Variants in UBAC2 observed in about 807,000 individuals in gnomAD.
UBAC2 encodes the protein UBA domain containing 2, also known as ubiquitin-associated domain-containing protein 2.
Under a neutral mutation model 44.0 loss-of-function variants are expected in UBAC2, and 26 were observed. The ratio of observed to expected loss-of-function variants is 0.59; its 90% confidence interval spans 0.43 to 0.82. UBAC2 has a LOEUF of 0.82. Among genes scored for constraint, UBAC2 ranks in the 40% least tolerant of loss-of-function variants. The probability of loss-of-function intolerance (pLI) is 0.00; values close to 1 mark genes in which losing one functional copy is unlikely to be tolerated. For missense variants in UBAC2, 329 were observed against 419.4 expected, an observed-to-expected ratio of 0.78 and a Z score of 1.88; for synonymous variants, 155 against 154.3, an observed-to-expected ratio of 1.00 and a Z score of -0.04.
chr13:99,336,549 A>C (rs966404298), intron 6 of UBAC2, among the ~76,000 whole-genome samples: 1 of 152,150 alleles, frequency 6.6e-6, no homozygotes, highest in Non-Finnish European at 1.5e-5. Flanking sequence ...TGTATAGCCC[A>C]TGTGCCCCTT....
intron 4 of UBAC2, among the ~76,000 whole-genome samples, chr13:99,253,681 T>G (rs1317633777): frequency 6.6e-6 from 1 of 152,060 alleles, no homozygotes; most frequent in Non-Finnish European, 1.5e-5. Flanking sequence ...GCCTGGCTAA[T>G]TTTTGTATTT....
intron 7 of UBAC2, among the ~76,000 whole-genome samples, chr13:99,360,993 C>G (rs1204574804): frequency 6.6e-6 from 1 of 152,200 alleles, no homozygotes. Context: ...CTAATGTAGA[C>G]ACTGCCTGAC....
chr13:99,218,380 G>A lies in UBAC2; in HGVS notation c.31+17441G>A, dbSNP rs181456658. On this transcript the variant is annotated intron_variant, in intron 1 of 8. Coordinates refer to ENST00000403766, the MANE Select transcript of UBAC2 (RefSeq NM_001144072.2). ...TGTGTTTGGTGCTGTTTCAGGACTA[G>A]GATTTTAAATTTTACAGCTCACTCT... Among the ~76,000 whole-genome samples the A allele has an allele frequency of 6.3e-3, 955 of 152,200 alleles. 5 individuals carry two copies. Among genetic ancestry groups the A allele is most frequent in the African/African-American group, 0.017 (690 of 41,526 alleles).
intron 4 of UBAC2, among the ~76,000 whole-genome samples, chr13:99,283,271 C>T (rs1177820369): frequency 3.3e-5 from 5 of 152,060 alleles, no homozygotes; most frequent in African/African-American, 4.8e-5. Context: ...GCAGCTGGTT[C>T]ATAGAGACAC....
chr13:99,364,161 CATT>C (rs34874753), intron 7 of UBAC2, among the ~76,000 whole-genome samples: 44,807 of 151,030 alleles, frequency 0.3, 6,906 homozygotes, highest in Middle Eastern at 0.45. Context: ...TTTTTGTTCT[CATT>C]ATGCTGTGAC....
At position 99,367,872 on chromosome 13, in the gene UBAC2, C is replaced by T. The variant is rs754936072; in HGVS notation, c.893C>T (p.Pro298Leu). 9 of 1,613,840 alleles carry T rather than the reference C, an allele frequency of 5.6e-6. No individual in the cohort carries two copies. Among genetic ancestry groups the T allele is most frequent in the Non-Finnish European group, 7.6e-6 (9 of 1,179,870 alleles). Residue 298 changes from proline to leucine, a missense_variant, in exon 8 of 9, where the codon CCA becomes CTA. Pro to Leu is a moderately conservative substitution (Grantham distance 98). Transcript: ENST00000403766. ...VNYQGGRQSE[P>L]AAPPLEVSEE... is the part of the protein sequence containing the mutation. ...TATCAGGGCGGTCGGCAGTCTGAGC[C>T]AGCAGCGCCCCCTCTAGAAGTTTCT...
chr13:99,366,841 A>T (rs998559156), intron 7 of UBAC2, among the ~76,000 whole-genome samples: 1 of 151,906 alleles, frequency 6.6e-6, no homozygotes, highest in East Asian at 1.9e-4. Context: ...TCCCACGCCC[A>T]CTTGTTCCTG....
In UBAC2 at chr13:99,261,386, G is replaced by A. The variant is rs376712479; in HGVS notation, c.389+16762G>A. 1.2e-4 allele frequency among the ~76,000 whole-genome samples: 18 copies of A among 152,312 alleles called. No individual in the cohort carries two copies. The East Asian group carries it at 2.3e-3, about 20-fold the overall frequency. On this transcript the variant is annotated intron_variant, in intron 4 of 8. Coordinates refer to ENST00000403766, the MANE Select transcript of UBAC2 (RefSeq NM_001144072.2). ...TTGGGTGTGGGTGTAGGGGAGATAT[G>A]TTGAATAGTAAGAGTTTCTGCATAA...
intron 8 of UBAC2, among the ~76,000 whole-genome samples, chr13:99,375,970 A>ATT (rs34164759): frequency 0.093 from 12,163 of 130,694 alleles, 682 homozygotes; most frequent in African/African-American, 0.14. Flanking sequence ...AGCCCAGCTA[A>ATT]TTTTTTTTTT....
Position 99,238,403 on chromosome 13 carries a change from A to G in UBAC2, c.32-24A>G, listed in dbSNP as rs373929105. 4.0e-5 allele frequency: 65 copies of G among 1,608,912 alleles called. No individual in the cohort carries two copies. The African/African-American group carries it at 7.7e-4, about 19-fold the overall frequency. On this transcript the variant is annotated intron_variant, in intron 1 of 8. Coordinates refer to ENST00000403766, the MANE Select transcript of UBAC2 (RefSeq NM_001144072.2). ...TAAATCTTAGGAACAATCATTCTGA[A>G]AGTGCTTTCCTTTTTCCCTCCAGAC...
At chr13:99,335,567 C>G (rs1356228196) in intron 6 of UBAC2, among the ~76,000 whole-genome samples, 7 of 152,124 alleles carry the variant, frequency 4.6e-5, no homozygotes, top group African/African-American at 1.7e-4. Flanking sequence ...ATTTTGTTGT[C>G]TGAAATTTTG....
chr13:99,255,283 A>G (rs1438042791), intron 4 of UBAC2: 2 of 1,614,060 alleles, frequency 1.2e-6, no homozygotes, highest in African/African-American at 2.7e-5. Context: ...CAAAGGAATC[A>G]AGAAAAAAAA....
chr13:99,317,750 G>T (rs1298791338), intron 5 of UBAC2, among the ~76,000 whole-genome samples: 2 of 151,964 alleles, frequency 1.3e-5, no homozygotes, highest in Non-Finnish European at 2.9e-5. Context: ...CATCATACTT[G>T]GGTTTCATTT....
intron 7 of UBAC2, among the ~76,000 whole-genome samples, chr13:99,357,402 T>C (rs2045203088): frequency 6.6e-6 from 1 of 152,264 alleles, no homozygotes; most frequent in African/African-American, 2.4e-5. Flanking sequence ...TTGTTTAGTT[T>C]TTAATGTACG....
intron 4 of UBAC2, among the ~76,000 whole-genome samples, chr13:99,264,548 C>G (rs913911402): frequency 6.6e-6 from 1 of 151,998 alleles, no homozygotes; most frequent in African/African-American, 2.4e-5. Flanking sequence ...TAGACTGGGA[C>G]TGGATAGCTG....
At chr13:99,274,633 CTGTTAA>C (rs1436388022) in intron 4 of UBAC2, among the ~76,000 whole-genome samples, 1 of 152,006 alleles carries the variant, frequency 6.6e-6, no homozygotes, top group African/African-American at 2.4e-5. Context: ...CCTCATAATA[CTGTTAA>C]TGTTAATGGA....
chr13:99,242,310 G>T (rs1218654102), intron 2 of UBAC2, among the ~76,000 whole-genome samples: 1 of 151,468 alleles, frequency 6.6e-6, no homozygotes, highest in African/African-American at 2.4e-5. Context: ...CCCGGACGGG[G>T]CGGCTGGCCG....
At chr13:99,330,621 A>G (rs2044704190) in intron 6 of UBAC2, among the ~76,000 whole-genome samples, 1 of 151,944 alleles carries the variant, frequency 6.6e-6, no homozygotes, top group Non-Finnish European at 1.5e-5. Context: ...TTATGTGTTT[A>G]TATGCTTCTT....
intron 6 of UBAC2, among the ~76,000 whole-genome samples, chr13:99,323,042 G>T (rs1380309023): frequency 6.6e-6 from 1 of 152,040 alleles, no homozygotes; most frequent in Admixed American, 6.5e-5. Context: ...ATGTTTTGAG[G>T]CCCTGGCCTG....
Sources: gnomAD v4.1 joint callset for allele counts (sites outside exome capture counted in the v4.1 genomes callset) on GRCh38, gnomAD v4.1.1 for gene constraint, MANE v1.5 for transcripts, NCBI Gene and HGNC (gene_info 2026-07-23, HGNC 2026-07-21) for gene names.